Variants in CDH12 observed in about 807,000 individuals in gnomAD.
The protein encoded by CDH12 is cadherin-12.
CDH12 carries 41 observed loss-of-function variants against 74.1 expected under a neutral mutation model. That is an observed-to-expected ratio of 0.55 (90% CI 0.43 to 0.72). CDH12 has a LOEUF of 0.72. Among genes scored for constraint, CDH12 ranks in the 30% least tolerant of loss-of-function variants. The pLI is 0.00. For synonymous variants in CDH12, 399 were observed against 355.0 expected, an observed-to-expected ratio of 1.12 and a Z score of -1.39; for missense variants, 945 against 977.2, an observed-to-expected ratio of 0.97 and a Z score of 0.44.
chr5:21,821,463 A>G (rs540356947), intron 8 of CDH12, among the ~76,000 whole-genome samples: 12 of 152,060 alleles, frequency 7.9e-5, no homozygotes, highest in African/African-American at 2.9e-4. Context: ...AGATAAAATA[A>G]TCCATTACAA....
chr5:21,889,618 G>A, intron 6 of CDH12: 1 of 985,366 alleles, frequency 1.0e-6, no homozygotes, highest in East Asian at 1.1e-4. Context: ...GTGTTCGCAT[G>A]TGTGTGGCTT....
intron 2 of CDH12, among the ~76,000 whole-genome samples, chr5:22,449,935 C>T (rs1279917164): frequency 6.6e-6 from 1 of 151,914 alleles, no homozygotes; most frequent in Admixed American, 6.6e-5. Flanking sequence ...CCTTTTCTTC[C>T]TCATAGTGAT....
chr5:22,515,187 A>G (rs1486643878), intron 1 of CDH12, among the ~76,000 whole-genome samples: 1 of 152,132 alleles, frequency 6.6e-6, no homozygotes, highest in African/African-American at 2.4e-5. Flanking sequence ...GATAACTATT[A>G]AATAAGAACT....
rs963004656 is a variant in CDH12 at position 22,472,833 on chromosome 5, T to C, written c.-428+32437A>G. On this transcript the variant is annotated intron_variant, in intron 2 of 14. Coordinates refer to ENST00000382254, the MANE Select transcript of CDH12 (RefSeq NM_004061.5). ...TACCAAGTCTTCCTATTTCCACATTTGTCTTCATGTAAAATATTCTTTATT... is the reference window on the plus strand; with the variant it reads ...TACCAAGTCTTCCTATTTCCACATTCGTCTTCATGTAAAATATTCTTTATT... 3.9e-5 allele frequency among the ~76,000 whole-genome samples: 6 copies of C among 152,152 alleles called. No individual in the cohort carries two copies. In the East Asian group the frequency reaches 1.2e-3, roughly 29 times the overall value.
At chr5:22,357,505 C>A (rs919770112) in intron 3 of CDH12, among the ~76,000 whole-genome samples, 1 of 151,912 alleles carries the variant, frequency 6.6e-6, no homozygotes, top group African/African-American at 2.4e-5. Context: ...AACATAAAAA[C>A]GTTATCTACC....
intron 3 of CDH12, among the ~76,000 whole-genome samples, chr5:22,316,601 C>A (rs960729713): frequency 6.6e-6 from 1 of 152,040 alleles, no homozygotes; most frequent in East Asian, 1.9e-4. Context: ...AACCAGGGGT[C>A]TAATCTGTAA....
At chr5:22,115,859 T>A (rs1486445782) in intron 4 of CDH12, among the ~76,000 whole-genome samples, 1 of 151,816 alleles carries the variant, frequency 6.6e-6, no homozygotes, top group Non-Finnish European at 1.5e-5. Context: ...ACCCAAGTAA[T>A]TTTTGTATTT....
At chr5:22,416,489 G>C (rs574906028) in intron 2 of CDH12, among the ~76,000 whole-genome samples, 30 of 152,218 alleles carry the variant, frequency 2.0e-4, no homozygotes, top group Admixed American at 4.6e-4. Context: ...GCGTGCATTG[G>C]AAATTTAAAC....
intron 11 of CDH12, among the ~76,000 whole-genome samples, chr5:21,778,466 CAAAAAAAAAAAAA>C (rs70957061): frequency 3.8e-5 from 2 of 52,614 alleles, no homozygotes; most frequent in African/African-American, 1.7e-4. Context: ...GCATATAAGC[CAAAAAAAAAAAAA>C]AAAAAAAAAA....
intron 1 of CDH12, among the ~76,000 whole-genome samples, chr5:22,781,005 C>A (rs965516427): frequency 1.3e-5 from 2 of 152,136 alleles, no homozygotes; most frequent in Non-Finnish European, 2.9e-5. Flanking sequence ...TAAGTCCTCT[C>A]TCTTCACTAT....
chr5:21,984,131 T>A (rs1228095346), intron 5 of CDH12, among the ~76,000 whole-genome samples: 1 of 152,092 alleles, frequency 6.6e-6, no homozygotes, highest in African/African-American at 2.4e-5. Flanking sequence ...ATAACCTAAT[T>A]TGAAGTTTTG....
intron 6 of CDH12, among the ~76,000 whole-genome samples, chr5:21,962,554 CT>C (rs1188776726): frequency 6.6e-6 from 1 of 151,914 alleles, no homozygotes; most frequent in Non-Finnish European, 1.5e-5. Flanking sequence ...CTTTTTTCCC[CT>C]TGATTATTTA....
intron 6 of CDH12, chr5:21,883,935 C>T (rs1158806115): frequency 3.1e-6 from 5 of 1,607,738 alleles, no homozygotes; most frequent in Non-Finnish European, 4.3e-6. Flanking sequence ...TCGATGCATT[C>T]CAGCCTTGGA....
Position 22,282,010 on chromosome 5 carries a change from CTGG to C in CDH12, c.-332-69370_-332-69368del, listed in dbSNP as rs1483677523. Among the ~76,000 whole-genome samples the C allele has an allele frequency of 7.9e-3, 8 of 1,010 alleles. No homozygotes were observed. The Admixed American group carries it at 0.12, about 15-fold the overall frequency. 0.7% of individuals were successfully genotyped at this position (1,010 alleles called of 152,430 possible). ...CTACAGTAACCAAAACTGCATGATA[CTGG>C]TACCAAAACTGCATGATACTGGTAC... is the stretch of plus-strand genomic sequence containing the variant. On this transcript the variant is annotated intron_variant, in intron 3 of 14. Transcript: ENST00000382254.
chr5:22,659,979 A>G (rs993359718), intron 1 of CDH12, among the ~76,000 whole-genome samples: 4 of 152,168 alleles, frequency 2.6e-5, no homozygotes, highest in Admixed American at 2.6e-4. Context: ...TCATGTTCTT[A>G]TAATACTTTA....
At chr5:21,883,155 G>A (rs1470047740) in intron 6 of CDH12, 20 of 1,521,060 alleles carry the variant, frequency 1.3e-5, no homozygotes, top group South Asian at 2.2e-5. Context: ...CATCTCTGAT[G>A]CAATGAAAAA....
intron 2 of CDH12, among the ~76,000 whole-genome samples, chr5:22,424,563 T>C (rs1406765115): frequency 6.6e-6 from 1 of 152,220 alleles, no homozygotes; most frequent in Non-Finnish European, 1.5e-5. Context: ...ATGAATTCCA[T>C]AAATATTTGT....
chr5:22,086,721 G>A (rs898002653), intron 4 of CDH12, among the ~76,000 whole-genome samples: 1 of 150,902 alleles, frequency 6.6e-6, no homozygotes, highest in Non-Finnish European at 1.5e-5. Flanking sequence ...GCTGCTACTG[G>A]TATCTCCTAC....
chr5:22,122,520 C>T (rs907089124), intron 4 of CDH12, among the ~76,000 whole-genome samples: 6 of 151,860 alleles, frequency 4.0e-5, no homozygotes, highest in Admixed American at 6.6e-5. Context: ...ACACTACCAG[C>T]TTTATCATTT....
Sources: allele counts gnomAD v4.1 joint callset (sites outside exome capture counted in the v4.1 genomes callset), GRCh38; gene constraint gnomAD v4.1.1; transcripts MANE v1.5; gene names NCBI Gene and HGNC (gene_info 2026-07-23, HGNC 2026-07-21).